Variants in DSE observed in about 807,000 individuals in gnomAD.
The protein encoded by DSE is dermatan-sulfate epimerase.
A neutral mutation model predicts 84.4 loss-of-function variants in DSE; 36 were observed. That is an observed-to-expected ratio of 0.43 (90% CI 0.33 to 0.56). The LOEUF is 0.56. DSE is among the 20% of genes least tolerant of loss of function. DSE has a pLI of 0.06. For missense variants in DSE, 862 were observed against 1,169.6 expected (o/e 0.74, Z 3.84); for synonymous variants, 410 against 430.1 (o/e 0.95, Z 0.58).
intron 2 of DSE, among the ~76,000 whole-genome samples, chr6:116,339,388 T>C (rs1777457913): frequency 6.6e-6 from 1 of 152,014 alleles, no homozygotes; most frequent in Admixed American, 6.6e-5. Flanking sequence ...CAATTGGAAT[T>C]TGGGGTTGAT....
intron 1 of DSE, among the ~76,000 whole-genome samples, chr6:116,384,126 G>T (rs1000605484): frequency 3.3e-5 from 5 of 152,114 alleles, no homozygotes; most frequent in Admixed American, 2.6e-4. Context: ...GATTAGACAT[G>T]GGGACATGAG....
At chr6:116,409,625 G>A (rs943770732) in intron 2 of DSE, among the ~76,000 whole-genome samples, 3 of 152,150 alleles carry the variant, frequency 2.0e-5, no homozygotes. Flanking sequence ...ATTTTATTAG[G>A]CATTGGAGAT....
At chr6:116,421,207 T>G (rs966242371) in intron 2 of DSE, among the ~76,000 whole-genome samples, 2 of 152,002 alleles carry the variant, frequency 1.3e-5, no homozygotes, top group Non-Finnish European at 2.9e-5. Context: ...TTTGAAAATA[T>G]TCAAAGTATC....
chr6:116,282,353 C>T (rs1387332356), intron 2 of DSE, among the ~76,000 whole-genome samples: 1 of 151,976 alleles, frequency 6.6e-6, no homozygotes, highest in Non-Finnish European at 1.5e-5. Context: ...TCCAATATGT[C>T]TCCTATTTTT....
intron 2 of DSE, among the ~76,000 whole-genome samples, chr6:116,283,576 C>T (rs139568253): frequency 0.015 from 2,255 of 150,470 alleles, 31 homozygotes; most frequent in Middle Eastern, 0.045. Flanking sequence ...TGGAGTCTCA[C>T]TCTGTCGCCC....
intron 2 of DSE, among the ~76,000 whole-genome samples, chr6:116,324,419 G>C (rs1776507354): frequency 6.6e-6 from 1 of 152,208 alleles, no homozygotes; most frequent in Non-Finnish European, 1.5e-5. Context: ...ACAAGAATAT[G>C]AGTTTGGAAG....
chr6:116,402,746 G>A (rs1405491889), intron 2 of DSE, among the ~76,000 whole-genome samples: 2 of 152,166 alleles, frequency 1.3e-5, no homozygotes, highest in South Asian at 2.1e-4. Flanking sequence ...CCATTAAAAC[G>A]TTCATTGATG....
At chr6:116,386,439 T>C (rs1780582539) in intron 1 of DSE, among the ~76,000 whole-genome samples, 1 of 152,238 alleles carries the variant, frequency 6.6e-6, no homozygotes, top group Non-Finnish European at 1.5e-5. Flanking sequence ...CAGATTAAAC[T>C]TAGCAAAGGG....
chr6:116,297,943 A>G (rs974799999), intron 2 of DSE, among the ~76,000 whole-genome samples: 6 of 152,190 alleles, frequency 3.9e-5, no homozygotes, highest in African/African-American at 1.4e-4. Flanking sequence ...GCCTGGGACT[A>G]GTGTTTTCCT....
chr6:116,303,236 G>A (rs373884056), intron 2 of DSE, among the ~76,000 whole-genome samples: 11 of 151,638 alleles, frequency 7.3e-5, no homozygotes, highest in African/African-American at 2.4e-4. Context: ...CCTCCTTCTC[G>A]TCTTTCTCTT....
chr6:116,288,469 A>C (rs1774071326), intron 2 of DSE: 1 of 152,062 alleles, frequency 6.6e-6, no homozygotes, highest in Non-Finnish European at 1.5e-5. Context: ...GGAAGAAATG[A>C]GCCTTGACTT....
At chr6:116,324,891 TTTAAG>T (rs1776532681) in intron 2 of DSE, among the ~76,000 whole-genome samples, 1 of 152,200 alleles carries the variant, frequency 6.6e-6, no homozygotes, top group Admixed American at 6.5e-5. Context: ...TGTCTGTGCT[TTTAAG>T]TTTTCTCTGA....
At chr6:116,288,841 T>TA (rs755366020) in intron 2 of DSE, among the ~76,000 whole-genome samples, 1 of 152,044 alleles carries the variant, frequency 6.6e-6, no homozygotes, top group Non-Finnish European at 1.5e-5. Flanking sequence ...TTGCTGGAAC[T>TA]AAAATGCCAT....
intron 2 of DSE, among the ~76,000 whole-genome samples, chr6:116,301,881 C>A (rs150773160): frequency 6.6e-6 from 1 of 152,090 alleles, no homozygotes; most frequent in African/African-American, 2.4e-5. Flanking sequence ...TGAGAACATG[C>A]GGTGTTTGGT....
Position 116,345,946 on chromosome 6 carries a change from G to A in DSE, c.-53-53252G>A, listed in dbSNP as rs556267457. Reference sequence around the variant, plus strand: ...AAATGATAAAGGGGATATCACCATCGATCCCACAGAAATACAAACTACCAT... The same window carrying A: ...AAATGATAAAGGGGATATCACCATCAATCCCACAGAAATACAAACTACCAT... On this transcript the variant is annotated intron_variant, in intron 2 of 3. Transcript: ENST00000430252. Among the ~76,000 whole-genome samples, 124 of 152,178 alleles carry A rather than the reference G, an allele frequency of 8.1e-4. 1 individual carries two copies. The highest frequency in any genetic ancestry group is 2.9e-3 in the African/African-American group (120 of 41,516).
chr6:116,346,031 A>C (rs1184613937), intron 2 of DSE, among the ~76,000 whole-genome samples: 1 of 152,244 alleles, frequency 6.6e-6, no homozygotes, highest in Non-Finnish European at 1.5e-5. Flanking sequence ...GAAATGGATA[A>C]ATTCCTGGAC....
At chr6:116,266,268 G>A (rs573455843) in intron 2 of DSE, among the ~76,000 whole-genome samples, 2 of 152,172 alleles carry the variant, frequency 1.3e-5, no homozygotes, top group African/African-American at 2.4e-5. Context: ...TAGTCTTGCC[G>A]ACATTATTGG....
At chr6:116,434,979 A>G (rs1360420648) in intron 5 of DSE, among the ~76,000 whole-genome samples, 1 of 152,212 alleles carries the variant, frequency 6.6e-6, no homozygotes, top group Non-Finnish European at 1.5e-5. Flanking sequence ...AGTAGGCACA[A>G]TTATAAATCC....
chr6:116,397,665 T>C (rs1302336603), intron 1 of DSE, among the ~76,000 whole-genome samples: 1 of 152,198 alleles, frequency 6.6e-6, no homozygotes, highest in African/African-American at 2.4e-5. Flanking sequence ...CCTTGAAGGA[T>C]CCAGCCTGCC....
Sources: allele counts gnomAD v4.1 joint callset (sites outside exome capture counted in the v4.1 genomes callset), GRCh38; gene constraint gnomAD v4.1.1; transcripts MANE v1.5; gene names NCBI Gene and HGNC (gene_info 2026-07-23, HGNC 2026-07-21).